PDZD2: variants seen among roughly 807,000 people sequenced by gnomAD.
PDZD2 encodes the protein PDZ domain containing 2, also known as PDZ domain-containing protein 2.
Under a neutral mutation model 220.7 loss-of-function variants are expected in PDZD2, and 90 were observed. That is an observed-to-expected ratio of 0.41 (90% CI 0.34 to 0.49). The LOEUF (loss-of-function observed/expected upper bound fraction) is 0.49. PDZD2 is among the 20% of genes least tolerant of loss of function. The pLI is 0.28. For synonymous variants in PDZD2, 1,375 were observed against 1,450.5 expected (o/e 0.95, Z 1.18); for missense variants, 3,174 against 3,608.5 (o/e 0.88, Z 3.08).
chr5:32,067,194 G>C (rs1007339949), intron 14 of PDZD2, among the ~76,000 whole-genome samples: 3 of 152,106 alleles, frequency 2.0e-5, no homozygotes, highest in Non-Finnish European at 4.4e-5. Flanking sequence ...TGTCTGGAGC[G>C]GTTGCTGCCC....
chr5:31,783,924 C>T (rs756252776), intron 1 of PDZD2, among the ~76,000 whole-genome samples: 3 of 152,118 alleles, frequency 2.0e-5, no homozygotes, highest in Admixed American at 1.3e-4. Flanking sequence ...TGCCGAGTGA[C>T]GTCATGGACA....
At chr5:32,094,473 G>A (rs2111602105) in intron 21 of PDZD2, among the ~76,000 whole-genome samples, 1 of 152,284 alleles carries the variant, frequency 6.6e-6, no homozygotes, top group Non-Finnish European at 1.5e-5. Flanking sequence ...GAGGGGCTGT[G>A]TGGTTTCTCA....
intron 2 of PDZD2, among the ~76,000 whole-genome samples, chr5:31,969,132 A>G (rs1486121001): frequency 6.6e-6 from 1 of 152,124 alleles, no homozygotes; most frequent in Admixed American, 6.6e-5. Context: ...GTGAGATGCT[A>G]GCGGGACTAT....
At chr5:31,843,043 G>A (rs960607951) in intron 2 of PDZD2, among the ~76,000 whole-genome samples, 3 of 151,926 alleles carry the variant, frequency 2.0e-5, no homozygotes, top group East Asian at 1.9e-4. Flanking sequence ...CACCACACCC[G>A]GCTAATTTTG....
intron 6 of PDZD2, among the ~76,000 whole-genome samples, chr5:32,036,689 A>G (rs74547798): frequency 1.3e-5 from 2 of 152,230 alleles, no homozygotes; most frequent in African/African-American, 4.8e-5. Flanking sequence ...ACTCCGGAGC[A>G]TAGCACACAG....
At chr5:31,914,580 G>A (rs932353068) in intron 2 of PDZD2, among the ~76,000 whole-genome samples, 2 of 152,156 alleles carry the variant, frequency 1.3e-5, no homozygotes, top group African/African-American at 4.8e-5. Flanking sequence ...ATTTTGAAAA[G>A]GAAAAATTTA....
At chr5:31,993,466 C>CA (rs1751393670) in intron 3 of PDZD2, among the ~76,000 whole-genome samples, 1 of 152,152 alleles carries the variant, frequency 6.6e-6, no homozygotes, top group Non-Finnish European at 1.5e-5. Context: ...AATGACTGCC[C>CA]AACATCTGTT....
chr5:32,090,163 C>G lies in PDZD2; in HGVS notation c.6715C>G (p.Pro2239Ala), dbSNP rs1216937180. 1 of 1,613,934 alleles carries G rather than the reference C, an allele frequency of 6.2e-7. No individual in the cohort carries two copies. The highest frequency in any genetic ancestry group is 8.5e-7 in the Non-Finnish European group (1 of 1,180,014). ...AAGCCATTTTGGACGGGAGGGTCAC[C>G]CCCCACACAGCCTGGGTCGCTCTCG... ...FSSHFGREGHPPHSLGRSRDS... is the reference protein window; with the variant it reads ...FSSHFGREGHAPHSLGRSRDS... The change falls in exon 20 of 25, where the codon CCC becomes GCC. Residue 2239 changes from proline to alanine, a missense_variant. Transcript: ENST00000438447. The surrounding 1 kb of genome is among the most constrained non-coding windows in gnomAD (Gnocchi z 4.3).
At chr5:31,881,359 TGTGTGTG>T (rs1239821407) in intron 2 of PDZD2, among the ~76,000 whole-genome samples, 3 of 144,444 alleles carry the variant, frequency 2.1e-5, no homozygotes, top group Non-Finnish European at 4.5e-5. Context: ...TGTGTGTGTG[TGTGTGTG>T]TGTATATATT....
At chr5:31,752,583 T>G (rs1425472964) in intron 1 of PDZD2, among the ~76,000 whole-genome samples, 2 of 114,462 alleles carry the variant, frequency 1.7e-5, no homozygotes, top group East Asian at 4.8e-4. Flanking sequence ...AAATAGGCGT[T>G]TTTTTTTCCC....
intron 1 of PDZD2, among the ~76,000 whole-genome samples, chr5:31,776,332 T>C (rs937816786): frequency 1.3e-5 from 2 of 152,110 alleles, no homozygotes; most frequent in Non-Finnish European, 1.5e-5. Flanking sequence ...AGGCAGTCAC[T>C]GGATCCCATC....
At chr5:31,730,166 C>T (rs1749439544) in intron 1 of PDZD2, among the ~76,000 whole-genome samples, 1 of 152,160 alleles carries the variant, frequency 6.6e-6, no homozygotes, top group South Asian at 2.1e-4. Context: ...GTTTAATTTT[C>T]CTGACTCCTA....
chr5:31,665,644 T>TCCCCCCCCCC (rs5867091), intron 1 of PDZD2, among the ~76,000 whole-genome samples: 1 of 119,084 alleles, frequency 8.4e-6, no homozygotes, highest in African/African-American at 3.3e-5. Context: ...AAGTTCCCCC[T>TCCCCCCCCCC]CCCCCCCCTC....
chr5:31,737,140 T>G (rs1749909427), intron 1 of PDZD2, among the ~76,000 whole-genome samples: 1 of 151,880 alleles, frequency 6.6e-6, no homozygotes, highest in African/African-American at 2.4e-5. Flanking sequence ...ATGCAGCCAT[T>G]TTATGGAATG....
chr5:31,665,436 A>AT (rs2150114483), intron 1 of PDZD2, among the ~76,000 whole-genome samples: 1 of 152,192 alleles, frequency 6.6e-6, no homozygotes, highest in South Asian at 2.1e-4. Flanking sequence ...AAGAAAGGCG[A>AT]TTTTTATTTA....
At chr5:31,669,420 AAAAT>A (rs1746128353) in intron 1 of PDZD2, among the ~76,000 whole-genome samples, 1 of 151,408 alleles carries the variant, frequency 6.6e-6, no homozygotes, top group Non-Finnish European at 1.5e-5. Context: ...AAAAAAAAAA[AAAAT>A]AAGATCTATC....
At chr5:31,823,070 A>T in intron 2 of PDZD2, 8 of 1,004,330 alleles carry the variant, frequency 8.0e-6, no homozygotes, top group Non-Finnish European at 1.2e-5. Flanking sequence ...ATAACTGTGC[A>T]TCCCTTTAGA....
chr5:31,661,310 T>C (rs1745753318), intron 1 of PDZD2: 1 of 152,234 alleles, frequency 6.6e-6, no homozygotes, highest in African/African-American at 2.4e-5. Context: ...GCTTGAGGTA[T>C]AGGAAGAATA....
chr5:31,864,567 T>G (rs916878855), intron 2 of PDZD2, among the ~76,000 whole-genome samples: 2 of 152,086 alleles, frequency 1.3e-5, no homozygotes, highest in African/African-American at 2.4e-5. Flanking sequence ...TCGCCCAGGC[T>G]GGAGTGCAAT....
Sources: allele counts gnomAD v4.1 joint callset (sites outside exome capture counted in the v4.1 genomes callset), GRCh38; gene constraint gnomAD v4.1.1; non-coding constraint Gnocchi (gnomAD v3.1); transcripts MANE v1.5; gene names NCBI Gene and HGNC (gene_info 2026-07-23, HGNC 2026-07-21).